The following JAK1 variants were observed in gnomAD, a reference collection of about 807,000 sequenced individuals.
The protein encoded by JAK1 is tyrosine-protein kinase JAK1.
Under a neutral mutation model 136.6 loss-of-function variants are expected in JAK1, and 16 were observed. That is an observed-to-expected ratio of 0.12 (90% CI 0.08 to 0.18). The LOEUF (loss-of-function observed/expected upper bound fraction) is 0.18, where lower values mean the gene tolerates loss of function less well. Ranked by LOEUF, JAK1 falls within the 10% of genes least tolerant of loss-of-function variation. JAK1 has a pLI of 1.00. For synonymous variants in JAK1, 492 were observed against 519.5 expected, an observed-to-expected ratio of 0.95 and a Z score of 0.72; for missense variants, 859 against 1,450.1, an observed-to-expected ratio of 0.59 and a Z score of 6.62.
intron 1 of JAK1, among the ~76,000 whole-genome samples, chr1:65,049,763 C>T (rs113160645): frequency 6.6e-6 from 1 of 152,178 alleles, no homozygotes; most frequent in Admixed American, 6.5e-5. Context: ...ATCCTCACCC[C>T]ACCAAATGTA....
At chr1:64,950,584 T>C (rs1318713453) in intron 1 of JAK1, among the ~76,000 whole-genome samples, 1 of 152,194 alleles carries the variant, frequency 6.6e-6, no homozygotes, top group African/African-American at 2.4e-5. Flanking sequence ...GGCCAGCCCT[T>C]GGACTGAGCA....
chr1:64,901,564 T>A (rs1025218095), intron 1 of JAK1, among the ~76,000 whole-genome samples: 3 of 152,124 alleles, frequency 2.0e-5, no homozygotes, highest in African/African-American at 7.2e-5. Flanking sequence ...CAGATGTTGG[T>A]TTCTGTTACA....
Position 64,844,358 on chromosome 1 carries a change from C to A in JAK1, c.2252-143G>T. ...AACATGGCCCATGGCCACATAGGCC[C>A]TGTGCGGGGGGCCTGCAGGCGTGCA... On this transcript the variant is annotated intron_variant, in intron 16 of 24. Transcript: ENST00000342505. This position sits in a 1 kb window ranked among gnomAD's most constrained non-coding sequence, Gnocchi z 5.7. 1 of 1,087,446 alleles carries A rather than the reference C, an allele frequency of 9.2e-7. No individual in the cohort carries two copies. The highest frequency in any genetic ancestry group is 1.4e-6 in the Non-Finnish European group (1 of 731,486). The allele number at this position is 1,087,446 out of a possible 1,614,324, so 67.4% of individuals were successfully genotyped here.
intron 1 of JAK1, among the ~76,000 whole-genome samples, chr1:65,049,287 T>C (rs181384855): frequency 6.9e-4 from 105 of 152,144 alleles, no homozygotes; most frequent in African/African-American, 2.3e-3. Context: ...GCCGGCCAGG[T>C]AGTGCACACC....
At chr1:64,942,220 CAT>C (rs1254046453) in intron 1 of JAK1, 2 of 152,086 alleles carry the variant, frequency 1.3e-5, no homozygotes, top group African/African-American at 2.4e-5. Context: ...AAAAGATATA[CAT>C]ATACTTCGTG....
chr1:64,860,492 C>T (rs944286338), intron 8 of JAK1, among the ~76,000 whole-genome samples: 2 of 151,672 alleles, frequency 1.3e-5, no homozygotes, highest in African/African-American at 2.4e-5. Flanking sequence ...TTCACTCTGT[C>T]GCCCAGGCTG....
chr1:64,869,210 AG>A (rs1437977464), intron 6 of JAK1, 100 bp downstream of exon 6: 1 of 1,046,740 alleles, frequency 9.6e-7, no homozygotes, highest in African/African-American at 1.6e-5. Flanking sequence ...TAGAGAGCAA[AG>A]GTCAGCCAAA....
chr1:64,935,976 C>T (rs1233107862), intron 1 of JAK1, among the ~76,000 whole-genome samples: 4 of 152,156 alleles, frequency 2.6e-5, no homozygotes, highest in African/African-American at 4.8e-5. Flanking sequence ...CACAAACAGA[C>T]GGTCCAGGGA....
chr1:65,061,556 T>C (rs1647792057), intron 1 of JAK1, among the ~76,000 whole-genome samples: 1 of 152,196 alleles, frequency 6.6e-6, no homozygotes, highest in Non-Finnish European at 1.5e-5. Flanking sequence ...TATTTGAAAA[T>C]ACTTTTAAAC....
intron 22 of JAK1, among the ~76,000 whole-genome samples, chr1:64,836,655 G>A (rs1654497662): frequency 2.0e-5 from 3 of 152,052 alleles, no homozygotes; most frequent in African/African-American, 7.2e-5. Flanking sequence ...AGCCAAAAAT[G>A]AAGGCATTCC....
chr1:64,886,133 A>G lies in JAK1; in HGVS notation c.6+126T>C, dbSNP rs1178247627. The G allele has an allele frequency of 6.6e-6, 4 of 609,276 alleles. No homozygotes were observed. The East Asian group carries it at 8.9e-5, about 14-fold the overall frequency. The allele number at this position is 609,276 out of a possible 1,614,324, so 37.7% of individuals were successfully genotyped here. A position where few individuals can be genotyped will look rare whatever the true frequency, so the allele number is the denominator to read the frequency against. On this transcript the variant is annotated intron_variant, in intron 2 of 24. Coordinates refer to ENST00000342505, the MANE Select transcript of JAK1 (RefSeq NM_002227.4). ...AGCATACTCAACATTGGGAATGAAT[A>G]AATACATCAATTTCAAAAAATTAAA... is the stretch of plus-strand genomic sequence containing the variant.
chr1:64,847,731 G>A (rs12739954), intron 12 of JAK1, 56 bp from the exon 13 acceptor site: 143,140 of 1,579,438 alleles, frequency 0.091, 7,451 homozygotes, highest in Non-Finnish European at 0.1. Context: ...GTGATGGACC[G>A]TCTGGGAATG....
At chr1:64,951,225 A>T (rs890253586) in intron 1 of JAK1, among the ~76,000 whole-genome samples, 1 of 152,236 alleles carries the variant, frequency 6.6e-6, no homozygotes, top group Non-Finnish European at 1.5e-5. Flanking sequence ...ATGTATTCTC[A>T]TAAGTGTCTG....
At chr1:64,871,558 G>T (rs1026196737) in intron 5 of JAK1, among the ~76,000 whole-genome samples, 1 of 151,978 alleles carries the variant, frequency 6.6e-6, no homozygotes, top group Admixed American at 6.6e-5. Flanking sequence ...CCTGATTTCT[G>T]CCCCTTCCCC....
intron 11 of JAK1, among the ~76,000 whole-genome samples, chr1:64,851,412 C>CT (rs1655582386): frequency 6.6e-6 from 1 of 152,102 alleles, no homozygotes; most frequent in Admixed American, 6.5e-5. Context: ...GAAGCAGTAC[C>CT]CGGGCCCAGG....
chr1:64,986,782 G>T (rs1296298357), intron 2 of JAK1, among the ~76,000 whole-genome samples: 1 of 151,936 alleles, frequency 6.6e-6, no homozygotes, highest in African/African-American at 2.4e-5. Context: ...AGGCTGAGGT[G>T]GGAGGCTTGA....
chr1:64,888,836 C>T (rs1458168112), intron 1 of JAK1, among the ~76,000 whole-genome samples: 3 of 152,204 alleles, frequency 2.0e-5, no homozygotes, highest in Non-Finnish European at 2.9e-5. Context: ...TATGCATTAA[C>T]TGTGATGCTT....
At chr1:65,044,654 CTTG>C (rs983719940) in intron 1 of JAK1, among the ~76,000 whole-genome samples, 8 of 152,166 alleles carry the variant, frequency 5.3e-5, no homozygotes, top group South Asian at 4.1e-4. Flanking sequence ...CCAATTTGGT[CTTG>C]TTGTTTTTGC....
At chr1:64,843,951 T>C (rs1655065126) in intron 17 of JAK1, 113 bp downstream of exon 17, 1 of 1,255,812 alleles carries the variant, frequency 8.0e-7, no homozygotes. Context: ...CGTGAAGAGA[T>C]TCAAACCCAT....
Sources: allele counts gnomAD v4.1 joint callset (sites outside exome capture counted in the v4.1 genomes callset), GRCh38; gene constraint gnomAD v4.1.1; non-coding constraint Gnocchi (gnomAD v3.1); transcripts MANE v1.5; gene names NCBI Gene and HGNC (gene_info 2026-07-23, HGNC 2026-07-21).